The following CTU2 variants were observed in gnomAD, a reference collection of about 807,000 sequenced individuals.
The protein encoded by CTU2 is cytoplasmic tRNA 2-thiolation protein 2.
CTU2 carries 80 observed loss-of-function variants against 64.1 expected under a neutral mutation model. The observed-to-expected ratio is 1.25, with a 90% CI of 1.04 to 1.50. The LOEUF (loss-of-function observed/expected upper bound fraction) is 1.50, where lower values mean the gene tolerates loss of function less well. CTU2 is among the 40% of genes most tolerant of loss of function. The pLI, the probability that CTU2 is intolerant of heterozygous loss-of-function variation, is 0.00. For synonymous variants in CTU2, 482 were observed against 285.3 expected (o/e 1.69, Z -6.95); for missense variants, 1,110 against 690.2 (o/e 1.61, Z -6.81).
Position 88,713,553 on chromosome 16 carries a change from G to T in CTU2, c.874-94G>T, listed in dbSNP as rs1597431702. ...CGTATCAGTCCTGCGGCCTCGGATG[G>T]TGGTGGGGTCTGTGACCTCCCCTAC... On this transcript the variant is annotated intron_variant, in intron 8 of 14. Transcript: ENST00000453996. The T allele has an allele frequency of 4.5e-6, 7 of 1,558,354 alleles. No homozygotes were observed. In the African/African-American group the frequency reaches 5.5e-5, roughly 12 times the overall value.
chr16:88,713,659 G>C lies in CTU2; in HGVS notation c.886G>C (p.Glu296Gln). ...CTGCCTCCCGCAGGGCTTCTCGGAT[G>C]AGCGGCACGGGGACGTGGTGGTGGT... ...FLAWDTGFSD[E>Q]RHGDVVVVRP... The change falls in exon 9 of 15, where the codon GAG becomes CAG. Residue 296 changes from glutamate (E) to glutamine (Q), a missense_variant. Transcript: ENST00000453996. 1 of 1,612,340 alleles carries C rather than the reference G, an allele frequency of 6.2e-7. No homozygotes were observed. Among genetic ancestry groups the C allele is most frequent in the Non-Finnish European group, 8.5e-7 (1 of 1,179,736 alleles).
chr16:88,711,758 C>T (rs1056800515), intron 5 of CTU2, 63 bp downstream of exon 5: 3 of 1,487,646 alleles, frequency 2.0e-6, no homozygotes, highest in Non-Finnish European at 2.8e-6. Flanking sequence ...CGGATCCTCC[C>T]TCTGGTGTGG....
In CTU2 at chr16:88,714,601, T is replaced by C; in HGVS notation, c.1216T>C (p.Phe406Leu). Residue 406 changes from phenylalanine (F) to leucine (L), a missense_variant, in exon 12 of 15, where the codon TTT (phenylalanine) becomes CTT (leucine). By Grantham distance (22) the Phe-to-Leu change is conservative. Coordinates refer to ENST00000453996, the MANE Select transcript of CTU2 (RefSeq NM_001012759.3). ...DVDAADSATA[F>L]GAQTSSRLSQ... ...TCTGCTTGCAGACAGTGCCACGGCTTTTGGGGCTCAGACCTCCTCGCGTCT... is the reference window on the plus strand; with the variant it reads ...TCTGCTTGCAGACAGTGCCACGGCTCTTGGGGCTCAGACCTCCTCGCGTCT... 1 of 1,612,526 alleles carries C rather than the reference T, an allele frequency of 6.2e-7. No homozygotes were observed. The highest frequency in any genetic ancestry group is 8.5e-7 in the Non-Finnish European group (1 of 1,179,878).
chr16:88,709,482 GTC>G (rs1911147761), intron 2 of CTU2: 1 of 158,894 alleles, frequency 6.3e-6, no homozygotes, highest in Non-Finnish European at 1.4e-5. Flanking sequence ...AAGAGGTGGT[GTC>G]TCTGCATGGT....
chr16:88,710,114 G>C, intron 3 of CTU2, 98 bp downstream of exon 3: 3 of 1,574,792 alleles, frequency 1.9e-6, no homozygotes, highest in Non-Finnish European at 2.6e-6. Context: ...CAGCCCGCCA[G>C]CTCCTCCTTG....
At chr16:88,714,278 G>A (rs775024882) in intron 10 of CTU2, 51 bp downstream of exon 10, 14 of 1,204,402 alleles carry the variant, frequency 1.2e-5, no homozygotes, top group Non-Finnish European at 1.5e-5. Context: ...TGTGCTGTGC[G>A]CGGGTGTGTG....
Position 88,713,655 on chromosome 16 carries a change from G to C in CTU2, c.882G>C (p.Ser294=), listed in dbSNP as rs778852799. ...GCCCCTGCCTCCCGCAGGGCTTCTC[G>C]GATGAGCGGCACGGGGACGTGGTGG... ...GAFLAWDTGF[S]DERHGDVVVV... is the part of the protein sequence containing the mutation. Residue 294 remains serine, a synonymous_variant, in exon 9 of 15, where the codon TCG becomes TCC. Coordinates refer to ENST00000453996, the MANE Select transcript of CTU2 (RefSeq NM_001012759.3). 6 of 1,612,244 alleles carry C rather than the reference G, an allele frequency of 3.7e-6. No individual in the cohort carries two copies. Among genetic ancestry groups the C allele is most frequent in the Non-Finnish European group, 4.2e-6 (5 of 1,179,690 alleles).
chr16:88,713,696 G>A lies in CTU2; in HGVS notation c.923G>A (p.Arg308Gln), dbSNP rs1470029535. 9.3e-6 allele frequency: 15 copies of A among 1,612,502 alleles called. No individual in the cohort carries two copies. Among genetic ancestry groups the A allele is most frequent in the Middle Eastern group, 1.6e-4 (1 of 6,080 alleles). The change falls in exon 9 of 15, where the codon CGG becomes CAG. Residue 308 changes from arginine (R) to glutamine (Q), a missense_variant. Arg to Gln is a conservative substitution (Grantham distance 43). Coordinates refer to ENST00000453996, the MANE Select transcript of CTU2 (RefSeq NM_001012759.3). ...HGDVVVVRPM[R>Q]DHTLKEVAFY... is the part of the protein sequence containing the mutation. ...GACGTGGTGGTGGTGCGGCCCATGCGGGACCACACCCTGAAGGAGGTCGCT... is the reference window on the plus strand; with the variant it reads ...GACGTGGTGGTGGTGCGGCCCATGCAGGACCACACCCTGAAGGAGGTCGCT...
intron 10 of CTU2, 35 bp downstream of exon 10, chr16:88,714,262 C>G: frequency 6.3e-7 from 1 of 1,597,874 alleles, no homozygotes; most frequent in Non-Finnish European, 8.6e-7. Flanking sequence ...GGGGGGTGCG[C>G]GGGTGTGTGC....
At chr16:88,708,252 T>C (rs1341847168) in intron 2 of CTU2, among the ~76,000 whole-genome samples, 1 of 152,234 alleles carries the variant, frequency 6.6e-6, no homozygotes, top group Non-Finnish European at 1.5e-5. Context: ...CTGTGCTTGC[T>C]GGTCCCAAGG....
Position 88,707,117 on chromosome 16 carries a change from C to A in CTU2, c.69-19C>A, listed in dbSNP as rs185353598. On this transcript the variant is annotated intron_variant, in intron 1 of 14. Transcript: ENST00000453996. ...ATGTGATCTGTGTTTCTCTCTTCTC[C>A]CCCCTCCCATCTCCAAAGCCGTGAG... 1 of 1,612,108 alleles carries A rather than the reference C, an allele frequency of 6.2e-7. No homozygotes were observed. The highest frequency in any genetic ancestry group is 8.5e-7 in the Non-Finnish European group (1 of 1,178,446).
chr16:88,711,742 G>T, intron 5 of CTU2, 47 bp downstream of exon 5: 1 of 1,558,140 alleles, frequency 6.4e-7, no homozygotes, highest in South Asian at 1.2e-5. Context: ...CTTGGGGTAA[G>T]CCCTGCGGAT....
At chr16:88,709,401 A>C (rs986406548) in intron 2 of CTU2, 1 of 153,836 alleles carries the variant, frequency 6.5e-6, no homozygotes, top group African/African-American at 2.4e-5. Flanking sequence ...AGCACACTAA[A>C]GATGCCAGCT....
At chr16:88,707,349 C>T (rs1910954154) in intron 2 of CTU2, 139 bp downstream of exon 2, 1 of 807,634 alleles carries the variant, frequency 1.2e-6, no homozygotes, top group East Asian at 2.7e-5. Context: ...GTCCCTCGTG[C>T]CCCTGGTGTT....
In CTU2 at chr16:88,713,929, T is replaced by C. The variant is rs941698351; in HGVS notation, c.1005+151T>C. 5.4e-5 allele frequency: 67 copies of C among 1,229,430 alleles called. No homozygotes were observed. In the Admixed American group the frequency reaches 5.5e-4, roughly 10 times the overall value. 76.2% of individuals were successfully genotyped at this position (1,229,430 alleles called of 1,614,324 possible). ...AGTGCTGCATCCTCTGAGCCCACCC[T>C]GTGCCGTGAGGGTGTGGGGGTGACA... On this transcript the variant is annotated intron_variant, in intron 9 of 14. Coordinates refer to ENST00000453996, the MANE Select transcript of CTU2 (RefSeq NM_001012759.3).
intron 9 of CTU2, 23 bp downstream of exon 9, chr16:88,713,801 C>T (rs1567651382): frequency 8.1e-6 from 13 of 1,610,866 alleles, no homozygotes; most frequent in African/African-American, 1.3e-5. Context: ...GGCTGGGCAA[C>T]CTCTCTCACC....
Position 88,710,670 on chromosome 16 carries a change from C to T in CTU2, c.282+388C>T, listed in dbSNP as rs572273486. ...CCAATCAGAAGCTGGGTCCAGAGTG[C>T]GTGTGTGCGGCCCACTTGACTTCTG... is the stretch of plus-strand genomic sequence containing the variant. On this transcript the variant is annotated intron_variant, in intron 4 of 14. Transcript: ENST00000453996. 7.6e-5 allele frequency: 17 copies of T among 222,536 alleles called. No homozygotes were observed. In the East Asian group the frequency reaches 1.7e-3, roughly 23 times the overall value. 13.8% of individuals were successfully genotyped at this position (222,536 alleles called of 1,614,324 possible).
chr16:88,713,698 G>C lies in CTU2; in HGVS notation c.925G>C (p.Asp309His), dbSNP rs750434232. ...GDVVVVRPMR[D>H]HTLKEVAFYN... ...CGTGGTGGTGGTGCGGCCCATGCGG[G>C]ACCACACCCTGAAGGAGGTCGCTTT... Residue 309 changes from aspartate (D) to histidine (H), a missense_variant, in exon 9 of 15, where the codon GAC (aspartate) becomes CAC (histidine). Asp to His is a moderately conservative substitution (Grantham distance 81, BLOSUM62 -1). Coordinates refer to ENST00000453996, the MANE Select transcript of CTU2 (RefSeq NM_001012759.3). 4 of 1,612,630 alleles carry C rather than the reference G, an allele frequency of 2.5e-6. No individual in the cohort carries two copies. Among genetic ancestry groups the C allele is most frequent in the Non-Finnish European group, 1.7e-6 (2 of 1,179,890 alleles).
rs1911466884 is a variant in CTU2 at position 88,712,917 on chromosome 16, A to C, written c.737+12A>C. On this transcript the variant is annotated intron_variant, in intron 7 of 14. Transcript: ENST00000453996. ...CTGCAGACCCTGCGGTGAGGCCCCGAGAGCCCCCCTTCCCCGGGCCCTGAC... is the reference window on the plus strand; with the variant it reads ...CTGCAGACCCTGCGGTGAGGCCCCGCGAGCCCCCCTTCCCCGGGCCCTGAC... The C allele has an allele frequency of 7.3e-7, 1 of 1,361,758 alleles. No homozygotes were observed. Among genetic ancestry groups the C allele is most frequent in the Middle Eastern group, 3.0e-4 (1 of 3,300 alleles). The allele number at this position is 1,361,758 out of a possible 1,614,324, so 84.4% of individuals were successfully genotyped here.
Sources: allele counts gnomAD v4.1 joint callset (sites outside exome capture counted in the v4.1 genomes callset), GRCh38; gene constraint gnomAD v4.1.1; transcripts MANE v1.5; gene names NCBI Gene and HGNC (gene_info 2026-07-23, HGNC 2026-07-21).